URGCP: variants seen among roughly 807,000 people sequenced by gnomAD.
URGCP encodes upregulator of cell proliferation, also known as up-regulator of cell proliferation.
A neutral mutation model predicts 24.6 loss-of-function variants in URGCP; 13 were observed. The ratio of observed to expected loss-of-function variants is 0.53; its 90% CI spans 0.34 to 0.84. The LOEUF is 0.84. Ranked by LOEUF, URGCP falls within the 40% of genes least tolerant of loss-of-function variation. The pLI, the probability that URGCP is intolerant of heterozygous loss-of-function variation, is 0.01. For missense variants in URGCP, 899 were observed against 1,194.3 expected (o/e 0.75, Z 3.64); for synonymous variants, 444 against 487.2 (o/e 0.91, Z 1.17).
chr7:43,876,643 C>T lies in URGCP; in HGVS notation c.*24G>A. The T allele has an allele frequency of 3.1e-6, 5 of 1,604,970 alleles. No homozygotes were observed. The highest frequency in any genetic ancestry group is 4.3e-6 in the Non-Finnish European group (5 of 1,174,852). ...GGGCTGCCCACAGCAGCCTCCTACACCTGAACTGGGTTTCTCTGCACACTC... is the reference window on the plus strand; with the variant it reads ...GGGCTGCCCACAGCAGCCTCCTACATCTGAACTGGGTTTCTCTGCACACTC... On this transcript the variant is annotated 3_prime_UTR_variant, in exon 6 of 6. Coordinates refer to ENST00000453200, the MANE Select transcript of URGCP (RefSeq NM_001077663.3).
At chr7:43,906,655 C>A (rs1042459539), upstream of URGCP, 31 of 1,126,302 alleles carry the variant, frequency 2.8e-5, 1 homozygote, top group South Asian at 4.3e-4. Context: ...GGGCCTGGCC[C>A]GCCGGCCGCC....
upstream of URGCP, among the ~76,000 whole-genome samples, chr7:43,910,431 T>C (rs1171781573): frequency 6.9e-6 from 1 of 145,034 alleles, no homozygotes; most frequent in Non-Finnish European, 1.5e-5. Context: ...GATTTCCCCA[T>C]GTTGTCCAGG....
chr7:43,888,084 T>A, intron 1 of URGCP: 1 of 423,284 alleles, frequency 2.4e-6, no homozygotes, highest in South Asian at 3.0e-5. Flanking sequence ...AAATTGTGTA[T>A]GTTTATCTAT....
chr7:43,910,580 C>T (rs1262641339), upstream of URGCP, among the ~76,000 whole-genome samples: 1 of 151,826 alleles, frequency 6.6e-6, no homozygotes, highest in Non-Finnish European at 1.5e-5. Flanking sequence ...AAAGTCCTGA[C>T]ATGGTGGCTC....
At chr7:43,906,634 G>C, upstream of URGCP, 4 of 1,167,898 alleles carry the variant, frequency 3.4e-6, no homozygotes, top group East Asian at 4.0e-5. Context: ...CCGCGGCTCG[G>C]CGCCGGGGAG....
chr7:43,891,712 T>A (rs1366239584), intron 1 of URGCP, among the ~76,000 whole-genome samples: 2 of 152,208 alleles, frequency 1.3e-5, no homozygotes, highest in African/African-American at 4.8e-5. Context: ...CGCAATTTCA[T>A]ACTTGTGATT....
chr7:43,904,862 T>G (rs2095898132), intron 1 of URGCP, among the ~76,000 whole-genome samples: 1 of 152,228 alleles, frequency 6.6e-6, no homozygotes, highest in African/African-American at 2.4e-5. Context: ...TGTTACAGTA[T>G]GAATACTGTA....
chr7:43,926,705 G>C (rs753930072), upstream of URGCP: 7 of 867,916 alleles, frequency 8.1e-6, no homozygotes, highest in Non-Finnish European at 9.8e-6. Context: ...CTCCCGCGCA[G>C]CCTGAAAAGC....
chr7:43,893,236 A>C (rs2132682228), intron 1 of URGCP, among the ~76,000 whole-genome samples: 1 of 151,608 alleles, frequency 6.6e-6, no homozygotes, highest in East Asian at 1.9e-4. Context: ...GGCTGAGGTG[A>C]GAGGATCACC....
chr7:43,885,148 T>C (rs2095860250), intron 3 of URGCP, among the ~76,000 whole-genome samples: 1 of 151,580 alleles, frequency 6.6e-6, no homozygotes, highest in African/African-American at 2.4e-5. Flanking sequence ...TCGCCCAGGC[T>C]GGAGTGCAGT....
chr7:43,879,294 C>T (rs759354358), intron 5 of URGCP, 34 bp from the exon 6 acceptor site: 2 of 1,560,536 alleles, frequency 1.3e-6, no homozygotes, highest in South Asian at 2.4e-5. Context: ...AGTGCTCACC[C>T]TGTGTTTCTG....
chr7:43,887,109 T>C (rs2095863317), intron 3 of URGCP, among the ~76,000 whole-genome samples: 1 of 152,344 alleles, frequency 6.6e-6, no homozygotes, highest in Non-Finnish European at 1.5e-5. Flanking sequence ...TGGGGTAATG[T>C]GTTTCTGTTA....
rs571000795 is a variant in URGCP, at chr7:43,878,529, C to T, written c.934G>A (p.Val312Ile). Residue 312 changes from valine to isoleucine, a missense_variant, in exon 6 of 6, where the codon GTA becomes ATA. Physicochemically the swap from Val to Ile is conservative, Grantham distance 29. Transcript: ENST00000453200. The surrounding 1 kb of genome is among the most constrained non-coding windows in gnomAD (Gnocchi z 5.6). ...CTGGGAAAAAACCAGGAAATTTCTA[C>T]CAACCCATCCGAAATCTCCCGGGCA... ...TNAREISDGL[V>I]EISWFFPSGR... The T allele has an allele frequency of 3.7e-6, 6 of 1,614,208 alleles. No individual in the cohort carries two copies. The Middle Eastern group carries it at 4.9e-4, about 133-fold the overall frequency.
At chr7:43,897,115 A>T (rs1422455480) in intron 1 of URGCP, among the ~76,000 whole-genome samples, 1 of 152,134 alleles carries the variant, frequency 6.6e-6, no homozygotes, top group East Asian at 1.9e-4. Flanking sequence ...AGGTGGGAGG[A>T]TCACTTGAGC....
intron 4 of URGCP, 48 bp downstream of exon 4, chr7:43,881,859 C>T (rs1256955218): frequency 3.1e-6 from 5 of 1,607,652 alleles, no homozygotes; most frequent in African/African-American, 1.3e-5. Context: ...ACTTTACCCA[C>T]TCCCCCTCTC....
At chr7:43,906,712 G>A (rs1428457850), upstream of URGCP, 2 of 753,934 alleles carry the variant, frequency 2.7e-6, no homozygotes, top group Non-Finnish European at 3.2e-6. Context: ...GGTGAGGTGG[G>A]GTAAGGTGGG....
intron 1 of URGCP, among the ~76,000 whole-genome samples, chr7:43,917,875 G>A (rs1458300073): frequency 6.6e-6 from 1 of 152,010 alleles, no homozygotes; most frequent in Non-Finnish European, 1.5e-5. Flanking sequence ...GAGGAGGGAG[G>A]GTTGCTTGAA....
In URGCP at chr7:43,879,147, A is replaced by C; in HGVS notation, c.316T>G (p.Trp106Gly). 1 of 1,614,212 alleles carries C rather than the reference A, an allele frequency of 6.2e-7. No homozygotes were observed. The highest frequency in any genetic ancestry group is 8.5e-7 in the Non-Finnish European group (1 of 1,180,042). The change falls in exon 6 of 6, where the codon TGG (tryptophan) becomes GGG (glycine). Residue 106 changes from tryptophan to glycine, a missense_variant. Trp to Gly is a radical substitution (Grantham distance 184, BLOSUM62 -2). Transcript: ENST00000453200. Reference protein sequence around the residue: ...LQISFDSMKNWAPQVPKDLPW... With the variant: ...LQISFDSMKNGAPQVPKDLPW... ...AAGTCTTTGGGAACCTGAGGGGCCC[A>C]GTTCTTCATACTGTCAAAACTGATC...
chr7:43,919,303 T>C (rs564215442), intron 1 of URGCP: 3 of 826,984 alleles, frequency 3.6e-6, no homozygotes, highest in Middle Eastern at 2.2e-4. Flanking sequence ...GACTGTGTGG[T>C]GGTGCTGCAC....
Sources: gnomAD v4.1 joint callset for allele counts (sites outside exome capture counted in the v4.1 genomes callset) on GRCh38, gnomAD v4.1.1 for gene constraint, Gnocchi (gnomAD v3.1) non-coding constraint, MANE v1.5 for transcripts, NCBI Gene and HGNC (gene_info 2026-07-23, HGNC 2026-07-21) for gene names.